Variants in MKKS observed in about 807,000 individuals in gnomAD.
MKKS encodes molecular chaperone MKKS.
MKKS carries 29 observed loss-of-function variants against 33.2 expected under a neutral mutation model. The ratio of observed to expected loss-of-function variants is 0.87; its 90% confidence interval spans 0.65 to 1.19. MKKS has a LOEUF of 1.19. Among genes scored for constraint, MKKS ranks in the 50% most tolerant of loss-of-function variants. The pLI is 0.00. For missense variants in MKKS, 661 were observed against 662.3 expected (o/e 1.00, Z 0.02); for synonymous variants, 260 against 244.0 (o/e 1.07, Z -0.61).
At chr20:10,431,327 A>G (rs1320382804) in intron 1 of MKKS, among the ~76,000 whole-genome samples, 1 of 151,782 alleles carries the variant, frequency 6.6e-6, no homozygotes, top group Non-Finnish European at 1.5e-5. Context: ...AGGGATTAGC[A>G]ATTTTCACTT....
At position 10,402,665 on chromosome 20, in the gene MKKS, G is replaced by T. The variant is rs1310143173; in HGVS notation, c.*2582C>A. Reference sequence around the variant, plus strand: ...GTTCGCTGTGTCACCCCTTCTTGGAGGAACTTGAAAAAATGCAGGATAAGG... The same window carrying T: ...GTTCGCTGTGTCACCCCTTCTTGGATGAACTTGAAAAAATGCAGGATAAGG... On this transcript the variant is annotated 3_prime_UTR_variant, in exon 6 of 6. Coordinates refer to ENST00000347364, the MANE Select transcript of MKKS (RefSeq NM_170784.3). 1.3e-5 allele frequency: 2 copies of T among 152,086 alleles called. No homozygotes were observed. Among genetic ancestry groups the T allele is most frequent in the African/African-American group, 4.8e-5 (2 of 41,388 alleles). The allele number at this position is 152,086 out of a possible 1,614,324, so 9.4% of individuals were successfully genotyped here.
intron 1 of MKKS, among the ~76,000 whole-genome samples, chr20:10,427,198 A>G (rs1485198286): frequency 2.0e-5 from 3 of 152,122 alleles, no homozygotes; most frequent in African/African-American, 7.2e-5. Flanking sequence ...AGTTTTTTTA[A>G]TTGCTTCCTG....
At chr20:10,430,164 T>C (rs192702927) in intron 1 of MKKS, among the ~76,000 whole-genome samples, 26 of 152,374 alleles carry the variant, frequency 1.7e-4, no homozygotes, top group African/African-American at 6.0e-4. Context: ...CACTAGGATC[T>C]AGATCCTGCC....
rs1359872427 is a variant in MKKS at position 10,413,319 on chromosome 20, G to A, written c.196C>T (p.His66Tyr). The change falls in exon 3 of 6, where the codon CAC becomes TAC. Residue 66 changes from histidine to tyrosine, a missense_variant. Coordinates refer to ENST00000347364, the MANE Select transcript of MKKS (RefSeq NM_170784.3). ...AAAATGGGATGTGTGACCAAAAGGT[G>A]ACTGAGCAGAGCTGAGGACTGTGAG... ...TTSQSSALLS[H>Y]LLVTHPILKI... is the part of the protein sequence containing the mutation. 3 of 1,614,160 alleles carry A rather than the reference G, an allele frequency of 1.9e-6. No homozygotes were observed. Among genetic ancestry groups the A allele is most frequent in the Non-Finnish European group, 2.5e-6 (3 of 1,180,002 alleles).
intron 1 of MKKS, among the ~76,000 whole-genome samples, chr20:10,421,346 C>G (rs1405873444): frequency 6.7e-6 from 1 of 149,538 alleles, no homozygotes; most frequent in Non-Finnish European, 1.5e-5. Flanking sequence ...CTTGCTTGAA[C>G]TTGGGAGGTG....
At chr20:10,410,460 T>C (rs1436854560) in intron 3 of MKKS, among the ~76,000 whole-genome samples, 3 of 152,064 alleles carry the variant, frequency 2.0e-5, no homozygotes, top group Admixed American at 1.3e-4. Flanking sequence ...GTGAAACCTG[T>C]CTCTACTAAA....
In MKKS at chr20:10,413,166, TG is replaced by T; in HGVS notation, c.348del (p.Ile117LeufsTer3). The T allele has an allele frequency of 6.2e-7, 1 of 1,614,212 alleles. No individual in the cohort carries two copies. Among genetic ancestry groups the T allele is most frequent in the South Asian group, 1.1e-5 (1 of 91,090 alleles). On this transcript the variant is annotated frameshift_variant, in exon 3 of 6. Coordinates refer to ENST00000347364, the MANE Select transcript of MKKS (RefSeq NM_170784.3). LOFTEE classifies it high-confidence loss of function. ...VQRLGLTPTT[V>X]IRLNKHLLSL... ...CTCAAAAGATGTTTATTTAATCTAA[TG>T]ACAGTGGTGGGTGTCAAGCCTAATC...
At chr20:10,433,909 A>G (rs1182063153) in intron 1 of MKKS, among the ~76,000 whole-genome samples, 199 bp downstream of exon 1, 1 of 152,136 alleles carries the variant, frequency 6.6e-6, no homozygotes, top group Non-Finnish European at 1.5e-5. Context: ...CGCAACATTT[A>G]CCATCGGCAG....
In MKKS at chr20:10,429,460, A is replaced by C. The variant is rs562430686; in HGVS notation, c.-649+4648T>G. On this transcript the variant is annotated intron_variant, in intron 1 of 5. Transcript: ENST00000347364. ...GCTCTCACACGTTCATCTCCAGCTTAGACCCACATAATAAACTGCTACTGT... is the reference window on the plus strand; with the variant it reads ...GCTCTCACACGTTCATCTCCAGCTTCGACCCACATAATAAACTGCTACTGT... Among the ~76,000 whole-genome samples the C allele has an allele frequency of 1.6e-4, 25 of 152,312 alleles. No homozygotes were observed. In the Middle Eastern group the frequency reaches 0.01, roughly 62 times the overall value.
intron 3 of MKKS, among the ~76,000 whole-genome samples, chr20:10,411,709 G>A (rs1018473370): frequency 1.3e-5 from 2 of 152,098 alleles, no homozygotes. Context: ...AATGGTTTAA[G>A]TCTAGTAACT....
At chr20:10,429,634 T>A (rs1488653000) in intron 1 of MKKS, among the ~76,000 whole-genome samples, 1 of 152,228 alleles carries the variant, frequency 6.6e-6, no homozygotes, top group African/African-American at 2.4e-5. Flanking sequence ...TTCAGAAATC[T>A]GGATATACTG....
intron 1 of MKKS, among the ~76,000 whole-genome samples, chr20:10,433,409 C>G (rs535796855): frequency 1.3e-5 from 2 of 152,288 alleles, no homozygotes; most frequent in East Asian, 1.9e-4. Context: ...GAGTCAGGAC[C>G]GTGCAAGTCC....
intron 2 of MKKS, among the ~76,000 whole-genome samples, chr20:10,414,508 G>A (rs2064922859): frequency 6.6e-6 from 1 of 152,036 alleles, no homozygotes; most frequent in South Asian, 2.1e-4. Flanking sequence ...CAGGTGATCT[G>A]CCCATCTCTG....
At position 10,413,431 on chromosome 20, in the gene MKKS, G is replaced by C; in HGVS notation, c.84C>G (p.Val28=). The change falls in exon 3 of 6, where the codon GTC becomes GTG. Residue 28 remains valine, a synonymous_variant. Coordinates refer to ENST00000347364, the MANE Select transcript of MKKS (RefSeq NM_170784.3). ...AGCATGATGTTACAATTCTTTTCAA[G>C]ACAGAAAGTGTGGTCCTGACTCTCT... ...TTERVRTTLS[V]LKRIVTSCYG... 1 of 1,613,500 alleles carries C rather than the reference G, an allele frequency of 6.2e-7. No individual in the cohort carries two copies. Among genetic ancestry groups the C allele is most frequent in the Non-Finnish European group, 8.5e-7 (1 of 1,179,452 alleles).
chr20:10,423,707 A>C (rs2064996511), intron 1 of MKKS, among the ~76,000 whole-genome samples: 1 of 152,198 alleles, frequency 6.6e-6, no homozygotes, highest in Non-Finnish European at 1.5e-5. Flanking sequence ...AGAAATGCTC[A>C]ATTTTATGTA....
In MKKS at chr20:10,413,055, C is replaced by T. The variant is rs533190327; in HGVS notation, c.460G>A (p.Val154Met). 1.9e-6 allele frequency: 3 copies of T among 1,613,958 alleles called. No homozygotes were observed. Among genetic ancestry groups the T allele is most frequent in the East Asian group, 2.2e-5 (1 of 44,886 alleles). ...FSSTQILLCL[V>M]RSILTSKPAC... ...GGTTTACTTGTTAATATACTACGCA[C>T]CAAACAAAGGAGGATCTGAGTACTA... Residue 154 changes from valine to methionine, a missense_variant, in exon 3 of 6, where the codon GTG becomes ATG. Physicochemically the swap from Val to Met is conservative, Grantham distance 21. Transcript: ENST00000347364.
In MKKS at chr20:10,409,480, C is replaced by A. The variant is rs375294718; in HGVS notation, c.986-677G>T. ...GTAAAAATATGAATAAAGAAGTTAG[C>A]GTGACTTGAATTTTCCAAATCTCCA... is the stretch of plus-strand genomic sequence containing the variant. On this transcript the variant is annotated intron_variant, in intron 3 of 5. Coordinates refer to ENST00000347364, the MANE Select transcript of MKKS (RefSeq NM_170784.3). Among the ~76,000 whole-genome samples, 4 of 152,142 alleles carry A rather than the reference C, an allele frequency of 2.6e-5. No homozygotes were observed. The East Asian group carries it at 7.7e-4, about 29-fold the overall frequency.
chr20:10,421,894 T>C (rs748967228), intron 1 of MKKS, among the ~76,000 whole-genome samples: 3 of 152,058 alleles, frequency 2.0e-5, no homozygotes, highest in Non-Finnish European at 4.4e-5. Flanking sequence ...AAAGACTCCT[T>C]ATACTCTTAA....
intron 1 of MKKS, among the ~76,000 whole-genome samples, chr20:10,421,463 G>C (rs1400066081): frequency 1.3e-5 from 2 of 148,736 alleles, no homozygotes; most frequent in Non-Finnish European, 3.0e-5. Flanking sequence ...TTTAACAGAA[G>C]AATCAAACGG....
Sources: allele counts gnomAD v4.1 joint callset (sites outside exome capture counted in the v4.1 genomes callset), GRCh38; gene constraint gnomAD v4.1.1; transcripts MANE v1.5; gene names NCBI Gene and HGNC (gene_info 2026-07-23, HGNC 2026-07-21).